ZFYVE21: variants seen among roughly 807,000 people sequenced by gnomAD.
ZFYVE21 encodes the protein zinc finger FYVE domain-containing protein 21.
ZFYVE21 carries 21 observed loss-of-function variants against 29.5 expected under a neutral mutation model. That is an observed-to-expected ratio of 0.71 (90% CI 0.50 to 1.02). ZFYVE21 has a LOEUF of 1.02. Among genes scored for constraint, ZFYVE21 ranks in the 50% least tolerant of loss-of-function variants. The probability of loss-of-function intolerance (pLI) is 0.00; values close to 1 mark genes in which losing one functional copy is unlikely to be tolerated. For missense variants in ZFYVE21, 326 were observed against 335.4 expected (o/e 0.97, Z 0.22); for synonymous variants, 151 against 133.8 (o/e 1.13, Z -0.89).
chr14:103,731,953 G>A (rs1396854418), intron 5 of ZFYVE21: 1 of 152,182 alleles, frequency 6.6e-6, no homozygotes, highest in African/African-American at 2.4e-5. Flanking sequence ...CACTGGAACA[G>A]CTGGTCACCG....
chr14:103,721,527 C>T (rs2083872596), intron 1 of ZFYVE21, among the ~76,000 whole-genome samples: 1 of 152,274 alleles, frequency 6.6e-6, no homozygotes, highest in African/African-American at 2.4e-5. Context: ...TGTGACGCCA[C>T]TGCACAGGGC....
intron 1 of ZFYVE21, among the ~76,000 whole-genome samples, chr14:103,719,454 CAA>C (rs61173072): frequency 3.0e-4 from 17 of 56,856 alleles, no homozygotes; most frequent in Admixed American, 3.7e-4. Flanking sequence ...GACTCTGTCT[CAA>C]AAAAAAAAAA....
chr14:103,715,874 C>CAAG lies in ZFYVE21; in HGVS notation c.37_39dup (p.Lys13dup). ...CCGAGGTGTCCGCGCGCCGCGACGC[C>CAAG]AAGAAGCTGGTGCGCTCCCCGAGCG... On this transcript the variant is annotated inframe_insertion, in exon 1 of 7. Transcript: ENST00000311141. 1 of 1,432,982 alleles carries CAAG rather than the reference C, an allele frequency of 7.0e-7. No homozygotes were observed. The highest frequency in any genetic ancestry group is 9.2e-7 in the Non-Finnish European group (1 of 1,088,080). The allele number at this position is 1,432,982 out of a possible 1,614,324, so 88.8% of individuals were successfully genotyped here. A position where few individuals can be genotyped will look rare whatever the true frequency, so the allele number is the denominator to read the frequency against.
chr14:103,733,045 C>T lies in ZFYVE21; in HGVS notation c.*27C>T, dbSNP rs907618430. 6.2e-6 allele frequency: 10 copies of T among 1,614,060 alleles called. No homozygotes were observed. Among genetic ancestry groups the T allele is most frequent in the East Asian group, 2.2e-5 (1 of 44,880 alleles). The stretch of plus-strand genomic sequence containing the variant: ...TCTACGTGGGGCTGAGCTTGGAGTA[C>T]GTGTGGTCACCAGGACTGAGTCGCT... On this transcript the variant is annotated 3_prime_UTR_variant, in exon 7 of 7. Coordinates refer to ENST00000311141, the MANE Select transcript of ZFYVE21 (RefSeq NM_024071.4).
chr14:103,728,892 C>G lies in ZFYVE21; in HGVS notation c.359-16C>G. 6.2e-7 allele frequency: 1 copy of G among 1,613,980 alleles called. No homozygotes were observed. The highest frequency in any genetic ancestry group is 8.5e-7 in the Non-Finnish European group (1 of 1,179,964). On this transcript the variant is annotated splice_polypyrimidine_tract_variant and intron_variant, in intron 3 of 6. Coordinates refer to ENST00000311141, the MANE Select transcript of ZFYVE21 (RefSeq NM_024071.4). ...GAAGCAGGCCCTGTTCTCACGTTTG[C>G]TTTTGTGTTCCCAAGGAGCCACCTT...
chr14:103,718,510 C>A (rs889677510), intron 1 of ZFYVE21, among the ~76,000 whole-genome samples: 1 of 152,326 alleles, frequency 6.6e-6, no homozygotes, highest in Admixed American at 6.5e-5. Context: ...CCTCAGGAAC[C>A]TGTGGGGCAG....
chr14:103,728,539 T>C (rs1567071376), intron 3 of ZFYVE21, among the ~76,000 whole-genome samples: 1 of 152,206 alleles, frequency 6.6e-6, no homozygotes, highest in East Asian at 1.9e-4. Context: ...GGCTTTGTTG[T>C]GCCTCCTTTC....
At chr14:103,723,611 G>A (rs143231536) in intron 1 of ZFYVE21, among the ~76,000 whole-genome samples, 4 of 152,346 alleles carry the variant, frequency 2.6e-5, no homozygotes, top group Non-Finnish European at 5.9e-5. Flanking sequence ...TGTGGGTCGC[G>A]ACGGGCCAGT....
intron 5 of ZFYVE21, chr14:103,729,579 G>C (rs1332752390): frequency 3.2e-6 from 2 of 628,008 alleles, no homozygotes; most frequent in Non-Finnish European, 5.4e-6. Context: ...TCCTGCAGGC[G>C]TCTGTGCAGA....
chr14:103,723,347 C>T (rs1197407045), intron 1 of ZFYVE21, among the ~76,000 whole-genome samples: 1 of 152,214 alleles, frequency 6.6e-6, no homozygotes, highest in African/African-American at 2.4e-5. Flanking sequence ...TGGGCTGAAG[C>T]ACAATCAGGG....
Position 103,716,939 on chromosome 14 carries a change from A to G in ZFYVE21, c.138+960A>G, listed in dbSNP as rs1364816517. On this transcript the variant is annotated intron_variant, in intron 1 of 6. Coordinates refer to ENST00000311141, the MANE Select transcript of ZFYVE21 (RefSeq NM_024071.4). This position sits in a 1 kb window ranked among gnomAD's most constrained non-coding sequence, Gnocchi z 4.8. ...GGGGGAGAAAAAGAATTTTTGTAAT[A>G]TGACTTTCATACTTAACACGTGTTA... Among the ~76,000 whole-genome samples the G allele has an allele frequency of 6.6e-6, 1 of 152,218 alleles. No homozygotes were observed. The highest frequency in any genetic ancestry group is 1.5e-5 in the Non-Finnish European group (1 of 68,030).
intron 5 of ZFYVE21, chr14:103,732,342 C>A: frequency 3.0e-6 from 1 of 333,282 alleles, no homozygotes; most frequent in South Asian, 1.0e-4. Flanking sequence ...GAGAGCAAGG[C>A]CTCTCGTGGT....
At chr14:103,720,711 G>A (rs563074091) in intron 1 of ZFYVE21, among the ~76,000 whole-genome samples, 5 of 152,228 alleles carry the variant, frequency 3.3e-5, no homozygotes, top group South Asian at 4.1e-4. Context: ...TGTGACCCTC[G>A]AGGGGCCGTT....
At chr14:103,722,117 G>T (rs529247665) in intron 1 of ZFYVE21, among the ~76,000 whole-genome samples, 1 of 152,318 alleles carries the variant, frequency 6.6e-6, no homozygotes, top group East Asian at 1.9e-4. Flanking sequence ...TGCGGGGCGT[G>T]CTTACTGGCG....
At chr14:103,728,008 T>A (rs923469684) in intron 3 of ZFYVE21, 94 bp downstream of exon 3, 21 of 1,298,702 alleles carry the variant, frequency 1.6e-5, no homozygotes, top group Non-Finnish European at 1.1e-5. Flanking sequence ...GGCGTTCTGC[T>A]TCTCTGACGT....
chr14:103,717,241 G>A (rs935378594), intron 1 of ZFYVE21, among the ~76,000 whole-genome samples: 1 of 152,162 alleles, frequency 6.6e-6, no homozygotes, highest in Non-Finnish European at 1.5e-5. Context: ...GCCACCATGA[G>A]GAGTCTTTTT....
intron 2 of ZFYVE21, 179 bp from the exon 3 acceptor site, chr14:103,727,567 G>A: frequency 5.1e-6 from 4 of 778,114 alleles, no homozygotes; most frequent in Non-Finnish European, 8.8e-6. Flanking sequence ...AGGTGAGGCG[G>A]ATCCCCGCTG....
chr14:103,720,322 C>T (rs1017161741), intron 1 of ZFYVE21, among the ~76,000 whole-genome samples: 9 of 152,124 alleles, frequency 5.9e-5, no homozygotes, highest in Non-Finnish European at 1.0e-4. Context: ...ACCAGTTAAA[C>T]GTGATTATCT....
Position 103,716,576 on chromosome 14 carries a change from G to A in ZFYVE21, c.138+597G>A, listed in dbSNP as rs1469643596. On this transcript the variant is annotated intron_variant, in intron 1 of 6. Transcript: ENST00000311141. The surrounding 1 kb of genome is among the most constrained non-coding windows in gnomAD (Gnocchi z 4.8). ...GCCAGGCTGCCCCCCGTTTCCCTTC[G>A]TCTATACCACCCTCCACCTCGGAAG... Among the ~76,000 whole-genome samples, 2 of 152,236 alleles carry A rather than the reference G, an allele frequency of 1.3e-5. No homozygotes were observed. Among genetic ancestry groups the A allele is most frequent in the Non-Finnish European group, 2.9e-5 (2 of 68,044 alleles).
Sources: allele counts gnomAD v4.1 joint callset (sites outside exome capture counted in the v4.1 genomes callset), GRCh38; gene constraint gnomAD v4.1.1; non-coding constraint Gnocchi (gnomAD v3.1); transcripts MANE v1.5; gene names NCBI Gene and HGNC (gene_info 2026-07-23, HGNC 2026-07-21).